Variants in MOCOS observed in about 807,000 individuals in gnomAD.
The protein encoded by MOCOS is human molybdenum cofactor sulfurase.
A neutral mutation model predicts 83.6 loss-of-function variants in MOCOS; 86 were observed. That is an observed-to-expected ratio of 1.03 (90% confidence interval 0.86 to 1.23). MOCOS has a LOEUF of 1.23. Ranked by LOEUF, MOCOS falls within the 50% of genes most tolerant of loss-of-function variation. The pLI is 0.00. For missense variants in MOCOS, 1,120 were observed against 1,126.9 expected, an observed-to-expected ratio of 0.99 and a Z score of 0.09; for synonymous variants, 445 against 434.7, an observed-to-expected ratio of 1.02 and a Z score of -0.29.
intron 9 of MOCOS, among the ~76,000 whole-genome samples, chr18:36,245,652 T>C (rs1835332583): frequency 6.6e-6 from 1 of 152,212 alleles, no homozygotes; most frequent in Non-Finnish European, 1.5e-5. Context: ...TTAAGCTTTT[T>C]ATATGTGGAT....
intron 9 of MOCOS, among the ~76,000 whole-genome samples, chr18:36,241,727 A>G (rs1289195421): frequency 6.6e-6 from 1 of 152,330 alleles, no homozygotes; most frequent in East Asian, 1.9e-4. Flanking sequence ...TTCTGTCTGG[A>G]TATCCAGGCA....
chr18:36,260,720 T>C (rs369148231), intron 13 of MOCOS, among the ~76,000 whole-genome samples: 59 of 152,196 alleles, frequency 3.9e-4, no homozygotes, highest in African/African-American at 1.4e-3. Flanking sequence ...TTCAAAGATA[T>C]GAGAAAGAGG....
At chr18:36,219,941 C>T in intron 8 of MOCOS, 114 bp from the exon 9 acceptor site, 2 of 1,312,320 alleles carry the variant, frequency 1.5e-6, no homozygotes, top group Non-Finnish European at 2.2e-6. Context: ...TTCTTCCTTC[C>T]AGTGTAGGTG....
intron 8 of MOCOS, among the ~76,000 whole-genome samples, chr18:36,218,450 C>T (rs2091483027): frequency 6.6e-6 from 1 of 151,994 alleles, no homozygotes; most frequent in African/African-American, 2.4e-5. Flanking sequence ...ACTAGTTTCT[C>T]AGGGAGCTTT....
At chr18:36,208,718 T>C (rs1361310215) in intron 6 of MOCOS, among the ~76,000 whole-genome samples, 3 of 152,232 alleles carry the variant, frequency 2.0e-5, no homozygotes, top group Non-Finnish European at 2.9e-5. Context: ...TTTCCGGGTA[T>C]AGAATCATGT....
intron 1 of MOCOS, among the ~76,000 whole-genome samples, chr18:36,193,288 G>A (rs571099729): frequency 1.8e-3 from 215 of 121,346 alleles, no homozygotes; most frequent in African/African-American, 6.6e-3. Context: ...TCCGCAGTCC[G>A]GCCTGGGCGA....
At chr18:36,266,696 C>A in intron 13 of MOCOS, 53 bp from the exon 14 acceptor site, 2 of 1,495,086 alleles carry the variant, frequency 1.3e-6, no homozygotes, top group Non-Finnish European at 1.9e-6. Context: ...CTCTGAGGTG[C>A]AAGGCTCTGG....
intron 13 of MOCOS, among the ~76,000 whole-genome samples, chr18:36,265,408 C>T (rs775615177): frequency 6.6e-6 from 1 of 152,240 alleles, no homozygotes; most frequent in Non-Finnish European, 1.5e-5. Flanking sequence ...ATCCTGGTAT[C>T]TGCAACTTTC....
intron 9 of MOCOS, among the ~76,000 whole-genome samples, chr18:36,225,275 C>G (rs2091511002): frequency 6.6e-6 from 1 of 152,138 alleles, no homozygotes; most frequent in South Asian, 2.1e-4. Context: ...CCTCAGCCTC[C>G]CGAGTAGCTG....
chr18:36,246,209 A>C (rs568596352), intron 9 of MOCOS, among the ~76,000 whole-genome samples: 5 of 152,170 alleles, frequency 3.3e-5, no homozygotes, highest in Non-Finnish European at 7.3e-5. Context: ...TTGTTTTATC[A>C]TATTACCAGA....
chr18:36,225,839 A>C (rs974872820), intron 9 of MOCOS, among the ~76,000 whole-genome samples: 12 of 151,276 alleles, frequency 7.9e-5, no homozygotes, highest in African/African-American at 2.9e-4. Flanking sequence ...CATATTTGTG[A>C]ATTTTTCCAT....
At chr18:36,265,403 G>T (rs1029508577) in intron 13 of MOCOS, among the ~76,000 whole-genome samples, 3 of 152,140 alleles carry the variant, frequency 2.0e-5, no homozygotes, top group African/African-American at 7.2e-5. Context: ...ATTTCATCCT[G>T]GTATCTGCAA....
At chr18:36,188,745 C>T (rs948094654) in intron 1 of MOCOS, among the ~76,000 whole-genome samples, 3 of 141,950 alleles carry the variant, frequency 2.1e-5, no homozygotes, top group Admixed American at 7.2e-5. Flanking sequence ...TGTGTTTTCC[C>T]TTTGGGGGCT....
At chr18:36,218,440 A>G (rs376067235) in intron 8 of MOCOS, among the ~76,000 whole-genome samples, 4 of 152,084 alleles carry the variant, frequency 2.6e-5, no homozygotes, top group African/African-American at 9.7e-5. Context: ...ACAGTTTAAA[A>G]CTAGTTTCTC....
At chr18:36,239,414 GA>G (rs1164134805) in intron 9 of MOCOS, among the ~76,000 whole-genome samples, 1 of 149,962 alleles carries the variant, frequency 6.7e-6, no homozygotes, top group African/African-American at 2.5e-5. Context: ...GGCTGGATAT[GA>G]AATTCTGGGT....
chr18:36,196,829 C>A (rs1037475889), intron 2 of MOCOS, among the ~76,000 whole-genome samples: 2 of 151,808 alleles, frequency 1.3e-5, no homozygotes, highest in African/African-American at 4.8e-5. Context: ...AATGTGGAAA[C>A]AGAACATATG....
At chr18:36,228,452 T>C (rs1484477981) in intron 9 of MOCOS, among the ~76,000 whole-genome samples, 1 of 152,134 alleles carries the variant, frequency 6.6e-6, no homozygotes, top group East Asian at 1.9e-4. Context: ...AATAATAGAC[T>C]GGATAAAGAA....
chr18:36,252,345 ACT>A lies in MOCOS; in HGVS notation c.2164+1065_2164+1066del, dbSNP rs570305308. ...AGACCAGCCTGGGCAACATGGCAAG[ACT>A]CTATATCTGCAAAATAAGATACAAA... On this transcript the variant is annotated intron_variant, in intron 11 of 14. Coordinates refer to ENST00000261326, the MANE Select transcript of MOCOS (RefSeq NM_017947.4). Among the ~76,000 whole-genome samples, 11 of 152,136 alleles carry A rather than the reference ACT, an allele frequency of 7.2e-5. 1 individual carries two copies. The South Asian group carries it at 2.3e-3, about 32-fold the overall frequency.
At chr18:36,228,535 A>G (rs1234147422) in intron 9 of MOCOS, among the ~76,000 whole-genome samples, 3 of 152,242 alleles carry the variant, frequency 2.0e-5, no homozygotes, top group Admixed American at 6.5e-5. Context: ...TTTCAGGGAC[A>G]TAGATGAAGC....
Sources: allele counts gnomAD v4.1 joint callset (sites outside exome capture counted in the v4.1 genomes callset), GRCh38; gene constraint gnomAD v4.1.1; transcripts MANE v1.5; gene names NCBI Gene and HGNC (gene_info 2026-07-23, HGNC 2026-07-21).